The following SYN3 variants were observed in gnomAD, a reference collection of about 807,000 sequenced individuals.
The protein encoded by SYN3 is synapsin III.
In SYN3, 35 loss-of-function variants were observed where a neutral mutation model predicts 65.8. The ratio of observed to expected loss-of-function variants is 0.53; its 90% confidence interval spans 0.41 to 0.70. The LOEUF (loss-of-function observed/expected upper bound fraction) is 0.70, where lower values mean the gene tolerates loss of function less well. SYN3 is among the 30% of genes least tolerant of loss of function. The pLI is 0.00. For synonymous variants in SYN3, 270 were observed against 292.9 expected (o/e 0.92, Z 0.80); for missense variants, 680 against 749.0 (o/e 0.91, Z 1.08).
chr22:32,817,175 A>C (rs138741463), intron 6 of SYN3, among the ~76,000 whole-genome samples: 1,624 of 151,832 alleles, frequency 0.011, 29 homozygotes, highest in African/African-American at 0.037. Context: ...CCATGATTGT[A>C]CCACTGCACT....
chr22:32,814,248 G>A (rs13058430), intron 6 of SYN3, among the ~76,000 whole-genome samples: 3 of 123,376 alleles, frequency 2.4e-5, no homozygotes, highest in African/African-American at 2.9e-5. Context: ...AAAGAAAGAA[G>A]GAAAGAAAGA....
intron 4 of SYN3, among the ~76,000 whole-genome samples, chr22:32,911,656 G>A (rs1327918836): frequency 1.3e-5 from 2 of 152,132 alleles, no homozygotes; most frequent in East Asian, 3.9e-4. Flanking sequence ...GGTAATAAAA[G>A]ATGGCTGCAC....
At chr22:33,027,791 C>T (rs1011798094) in intron 1 of SYN3, among the ~76,000 whole-genome samples, 3 of 152,220 alleles carry the variant, frequency 2.0e-5, no homozygotes, top group Non-Finnish European at 4.4e-5. Context: ...TCACTTCACA[C>T]ATTGTTGTGC....
rs538808589 is a variant in SYN3 at position 32,507,971 on chromosome 22, C to G, written c.*5721G>C. Among the ~76,000 whole-genome samples, 1 of 152,030 alleles carries G rather than the reference C, an allele frequency of 6.6e-6. No homozygotes were observed. The highest frequency in any genetic ancestry group is 1.5e-5 in the Non-Finnish European group (1 of 68,018). On this transcript the variant is annotated 3_prime_UTR_variant, in exon 14 of 14. Transcript: ENST00000358763. Reference sequence around the variant, plus strand: ...CACTCGAAGCAGCCCTGAGAAACATCGCCCATTCTCTCTCCATACCACCCC... The same window carrying G: ...CACTCGAAGCAGCCCTGAGAAACATGGCCCATTCTCTCTCCATACCACCCC...
Position 32,587,077 on chromosome 22 carries a change from C to A in SYN3, c.774+9597G>T, listed in dbSNP as rs574992160. Among the ~76,000 whole-genome samples the A allele has an allele frequency of 3.3e-5, 5 of 152,060 alleles. No homozygotes were observed. In the East Asian group the frequency reaches 9.7e-4, roughly 29 times the overall value. On this transcript the variant is annotated intron_variant, in intron 7 of 13. Transcript: ENST00000358763. ...TCTCTACTAAAAATACAAAAATTAG[C>A]TGGGCATGGTGGCCTGCGTCTGTAG...
At chr22:32,816,647 T>C (rs2047094272) in intron 6 of SYN3, among the ~76,000 whole-genome samples, 1 of 152,194 alleles carries the variant, frequency 6.6e-6, no homozygotes, top group South Asian at 2.1e-4. Context: ...AATCACTCCC[T>C]TTTGCCCTAT....
intron 6 of SYN3, among the ~76,000 whole-genome samples, chr22:32,688,419 A>G (rs1316681387): frequency 5.3e-5 from 8 of 152,126 alleles, no homozygotes; most frequent in Admixed American, 3.9e-4. Flanking sequence ...CCGAGGTGGG[A>G]ATGTTACTGG....
intron 4 of SYN3, among the ~76,000 whole-genome samples, chr22:32,906,630 C>T (rs1477798637): frequency 6.6e-6 from 1 of 152,126 alleles, no homozygotes. Context: ...ATGCATTAGG[C>T]ATTTGTCCTA....
chr22:33,027,578 CAG>C (rs1057295764), intron 1 of SYN3, among the ~76,000 whole-genome samples: 6 of 150,158 alleles, frequency 4.0e-5, no homozygotes, highest in African/African-American at 1.5e-4. Flanking sequence ...GCCTGGGCGA[CAG>C]AGTGAGACTC....
chr22:32,902,784 C>A (rs2049797131), intron 4 of SYN3, among the ~76,000 whole-genome samples: 1 of 150,576 alleles, frequency 6.6e-6, no homozygotes, highest in Admixed American at 6.6e-5. Flanking sequence ...CCTTTTTCCA[C>A]ATCTGTTGGC....
At chr22:32,579,429 G>A (rs1247166613) in intron 7 of SYN3, among the ~76,000 whole-genome samples, 9 of 152,132 alleles carry the variant, frequency 5.9e-5, no homozygotes, top group Admixed American at 6.5e-5. Flanking sequence ...CTCACACAGC[G>A]GAAGGGGCAA....
intron 13 of SYN3, among the ~76,000 whole-genome samples, chr22:32,516,346 G>GATTT (rs58972175): frequency 0.14 from 20,495 of 149,192 alleles, 1,698 homozygotes; most frequent in Non-Finnish European, 0.19. Flanking sequence ...ATACATCTTT[G>GATTT]ATTTATTTAT....
chr22:32,775,748 T>C (rs2145799240), intron 6 of SYN3, among the ~76,000 whole-genome samples: 1 of 152,294 alleles, frequency 6.6e-6, no homozygotes, highest in Non-Finnish European at 1.5e-5. Context: ...AGAGCCTCAG[T>C]TTCCCTTTAT....
In SYN3 at chr22:32,801,976, C is replaced by T. The variant is rs1380404535; in HGVS notation, c.711+62939G>A. 1.3e-6 allele frequency: 2 copies of T among 1,580,486 alleles called. No homozygotes were observed. Among genetic ancestry groups the T allele is most frequent in the African/African-American group, 1.3e-5 (1 of 74,380 alleles). On this transcript the variant is annotated intron_variant, in intron 6 of 13. Transcript: ENST00000358763. The surrounding 1 kb of genome is among the most constrained non-coding windows in gnomAD (Gnocchi z 4.7). ...GCAACTTTGGAGAGGCGAGCAGCAGCCCCGGCAGCGGCGGCAGCAGCGGCA... is the reference window on the plus strand; with the variant it reads ...GCAACTTTGGAGAGGCGAGCAGCAGTCCCGGCAGCGGCGGCAGCAGCGGCA...
intron 6 of SYN3, among the ~76,000 whole-genome samples, chr22:32,857,063 ATGGGC>A (rs2048389616): frequency 6.6e-6 from 1 of 152,130 alleles, no homozygotes; most frequent in Non-Finnish European, 1.5e-5. Flanking sequence ...TCATCTGTTG[ATGGGC>A]ACTTAGGTTG....
At chr22:32,940,278 A>G (rs2050897898) in intron 3 of SYN3, among the ~76,000 whole-genome samples, 1 of 152,250 alleles carries the variant, frequency 6.6e-6, no homozygotes, top group African/African-American at 2.4e-5. Flanking sequence ...GGATATATTC[A>G]TTTGGAAATT....
intron 6 of SYN3, among the ~76,000 whole-genome samples, chr22:32,763,786 C>G (rs957109671): frequency 1.3e-5 from 2 of 152,050 alleles, no homozygotes; most frequent in Non-Finnish European, 2.9e-5. Flanking sequence ...GCCAGGATCC[C>G]AAGCTCAGGG....
chr22:32,694,049 G>T (rs2060703080), intron 6 of SYN3, among the ~76,000 whole-genome samples: 1 of 151,420 alleles, frequency 6.6e-6, no homozygotes, highest in African/African-American at 2.4e-5. Context: ...TGAAGTTTCT[G>T]TTTTTTCCTT....
intron 6 of SYN3, among the ~76,000 whole-genome samples, chr22:32,853,743 T>C (rs1268202770): frequency 6.6e-6 from 1 of 152,250 alleles, no homozygotes; most frequent in African/African-American, 2.4e-5. Flanking sequence ...AATTTCAGTA[T>C]AACTTGTTCT....
Sources: allele counts gnomAD v4.1 joint callset (sites outside exome capture counted in the v4.1 genomes callset), GRCh38; gene constraint gnomAD v4.1.1; non-coding constraint Gnocchi (gnomAD v3.1); transcripts MANE v1.5; gene names NCBI Gene and HGNC (gene_info 2026-07-23, HGNC 2026-07-21).